Variants in NUBPL observed in about 807,000 individuals in gnomAD.
NUBPL encodes the protein NUBP iron-sulfur cluster assembly factor, mitochondrial.
In NUBPL, 31 loss-of-function variants were observed where a neutral mutation model predicts 45.7. That is an observed-to-expected ratio of 0.68 (90% CI 0.51 to 0.92). The LOEUF (loss-of-function observed/expected upper bound fraction) is 0.92, where lower values mean the gene tolerates loss of function less well. Among genes scored for constraint, NUBPL ranks in the 40% least tolerant of loss-of-function variants. NUBPL has a pLI of 0.00. For missense variants in NUBPL, 401 were observed against 398.7 expected, an observed-to-expected ratio of 1.01 and a Z score of -0.05; for synonymous variants, 144 against 140.9, an observed-to-expected ratio of 1.02 and a Z score of -0.15.
rs190427480 is a variant in NUBPL at position 31,672,384 on chromosome 14, T to C, written c.383-971T>C. On this transcript the variant is annotated intron_variant, in intron 4 of 10. Coordinates refer to ENST00000281081, the MANE Select transcript of NUBPL (RefSeq NM_025152.3). Reference sequence around the variant, plus strand: ...ATTTATATGTTTATGTATCTTTGTATATGAATAAAATTGGACAAAATTAGT... The same window carrying C: ...ATTTATATGTTTATGTATCTTTGTACATGAATAAAATTGGACAAAATTAGT... Among the ~76,000 whole-genome samples, 18 of 152,294 alleles carry C rather than the reference T, an allele frequency of 1.2e-4. No individual in the cohort carries two copies. The East Asian group carries it at 2.1e-3, about 18-fold the overall frequency.
At chr14:31,687,115 A>G (rs1420629536) in intron 6 of NUBPL, among the ~76,000 whole-genome samples, 2 of 152,208 alleles carry the variant, frequency 1.3e-5, no homozygotes, top group Admixed American at 1.3e-4. Context: ...CCTGTTTCAA[A>G]AAAAAAATTC....
At chr14:31,745,539 C>A (rs2140008034) in intron 6 of NUBPL, among the ~76,000 whole-genome samples, 1 of 152,226 alleles carries the variant, frequency 6.6e-6, no homozygotes, top group South Asian at 2.1e-4. Context: ...CGTGATCCAC[C>A]CGCCTTGGCC....
intron 6 of NUBPL, among the ~76,000 whole-genome samples, chr14:31,757,686 G>A (rs1028876698): frequency 2.0e-5 from 3 of 152,082 alleles, no homozygotes; most frequent in Admixed American, 6.5e-5. Context: ...GTGATAAATA[G>A]TACATGAGGG....
chr14:31,803,988 G>A (rs954286840), intron 7 of NUBPL, among the ~76,000 whole-genome samples: 1 of 152,028 alleles, frequency 6.6e-6, no homozygotes, highest in African/African-American at 2.4e-5. Flanking sequence ...CAAACTCCCT[G>A]GTTCAAGGGA....
intron 3 of NUBPL, among the ~76,000 whole-genome samples, chr14:31,596,094 GACGGGGTTTC>G (rs977998741): frequency 6.6e-6 from 1 of 151,968 alleles, no homozygotes; most frequent in African/African-American, 2.4e-5. Flanking sequence ...TTTTAGTAGA[GACGGGGTTTC>G]ACCATGTTAG....
intron 3 of NUBPL, among the ~76,000 whole-genome samples, chr14:31,569,056 A>G (rs1205743955): frequency 6.6e-6 from 1 of 152,208 alleles, no homozygotes; most frequent in Non-Finnish European, 1.5e-5. Flanking sequence ...GTATGCCCAA[A>G]TACCTTTTAA....
At chr14:31,700,426 T>A (rs2037304782) in intron 6 of NUBPL, among the ~76,000 whole-genome samples, 1 of 152,150 alleles carries the variant, frequency 6.6e-6, no homozygotes, top group African/African-American at 2.4e-5. Context: ...CTTCTCGGCC[T>A]CAGCGCCTAC....
At chr14:31,564,936 A>G in intron 2 of NUBPL, 78 bp from the exon 3 acceptor site, 1 of 762,104 alleles carries the variant, frequency 1.3e-6, no homozygotes, top group Non-Finnish European at 2.2e-6. Flanking sequence ...TAAAAATTAC[A>G]TGAAAATATT....
chr14:31,759,932 G>A (rs2038761863), intron 6 of NUBPL, among the ~76,000 whole-genome samples: 1 of 150,820 alleles, frequency 6.6e-6, no homozygotes, highest in Non-Finnish European at 1.5e-5. Flanking sequence ...TATGATGTTT[G>A]GTAGATTAGT....
At chr14:31,855,516 A>G (rs10131624) in intron 10 of NUBPL, among the ~76,000 whole-genome samples, 24,761 of 152,008 alleles carry the variant, frequency 0.16, 5,989 homozygotes, top group African/African-American at 0.53. Context: ...CATCCAAGTT[A>G]AGCTGATGAT....
At chr14:31,801,167 T>C (rs61994431) in intron 7 of NUBPL, 9,451 of 151,712 alleles carry the variant, frequency 0.062, 351 homozygotes, top group Non-Finnish European at 0.073. Flanking sequence ...CAGGAAGGAG[T>C]GGTGGGTGAG....
intron 6 of NUBPL, among the ~76,000 whole-genome samples, chr14:31,687,203 T>TA (rs1307963810): frequency 6.6e-6 from 1 of 152,232 alleles, no homozygotes; most frequent in Non-Finnish European, 1.5e-5. Context: ...AGTCCACTTA[T>TA]ATGAGGATTT....
At chr14:31,746,246 TG>T (rs1317926878) in intron 6 of NUBPL, among the ~76,000 whole-genome samples, 1 of 151,670 alleles carries the variant, frequency 6.6e-6, no homozygotes, top group Non-Finnish European at 1.5e-5. Flanking sequence ...GTGGCAAGAG[TG>T]GGCATCCTTG....
At chr14:31,806,535 C>T (rs1343309592) in intron 7 of NUBPL, among the ~76,000 whole-genome samples, 1 of 152,070 alleles carries the variant, frequency 6.6e-6, no homozygotes, top group African/African-American at 2.4e-5. Flanking sequence ...GTTTGCTGAT[C>T]AGTATAAAGA....
intron 6 of NUBPL, chr14:31,771,937 A>G (rs1281259996): frequency 1.1e-6 from 1 of 946,014 alleles, no homozygotes; most frequent in Non-Finnish European, 1.3e-6. Context: ...AGCATGCAGT[A>G]TGCTAGTCTA....
intron 7 of NUBPL, among the ~76,000 whole-genome samples, chr14:31,820,139 CA>C (rs59044182): frequency 5.4e-5 from 6 of 111,548 alleles, no homozygotes; most frequent in Admixed American, 9.0e-5. Flanking sequence ...GACTCCATCT[CA>C]AAAAAAAAAA....
intron 4 of NUBPL, among the ~76,000 whole-genome samples, chr14:31,608,065 C>T (rs977102531): frequency 6.6e-6 from 1 of 152,188 alleles, no homozygotes; most frequent in Non-Finnish European, 1.5e-5. Flanking sequence ...GGAAACCTTA[C>T]AGGCCAAGAG....
At position 31,709,046 on chromosome 14, in the gene NUBPL, T is replaced by A. The variant is rs151203534; in HGVS notation, c.513+35472T>A. ...GACTAAGGCTGCGGTCTTTCTCTGA[T>A]CTTGCTTTTCCTTTTGGGCCTGTTC... On this transcript the variant is annotated intron_variant, in intron 6 of 10. Transcript: ENST00000281081. Among the ~76,000 whole-genome samples, 1,392 of 152,298 alleles carry A rather than the reference T, an allele frequency of 9.1e-3. 11 individuals carry two copies. Among genetic ancestry groups the A allele is most frequent in the Middle Eastern group, 0.02 (6 of 294 alleles).
intron 6 of NUBPL, among the ~76,000 whole-genome samples, chr14:31,748,877 G>A (rs934445270): frequency 2.6e-5 from 4 of 152,128 alleles, no homozygotes; most frequent in Admixed American, 2.0e-4. Context: ...CTCCTAAAGT[G>A]CTAGGATTAC....
Sources: gnomAD v4.1 joint callset for allele counts (sites outside exome capture counted in the v4.1 genomes callset) on GRCh38, gnomAD v4.1.1 for gene constraint, MANE v1.5 for transcripts, NCBI Gene and HGNC (gene_info 2026-07-23, HGNC 2026-07-21) for gene names.